The following DLC1 variants were observed in gnomAD, a reference collection of about 807,000 sequenced individuals.
DLC1 encodes DLC1 Rho GTPase activating protein, also known as rho GTPase-activating protein 7.
Under a neutral mutation model 140.3 loss-of-function variants are expected in DLC1, and 54 were observed. That is an observed-to-expected ratio of 0.38 (90% CI 0.31 to 0.48). The LOEUF (loss-of-function observed/expected upper bound fraction) is 0.48, where lower values mean the gene tolerates loss of function less well. DLC1 is among the 20% of genes least tolerant of loss of function. The probability of loss-of-function intolerance (pLI) is 0.96; values close to 1 mark genes in which losing one functional copy is unlikely to be tolerated. For missense variants in DLC1, 2,536 were observed against 1,907.0 expected (o/e 1.33, Z -6.14); for synonymous variants, 986 against 728.1 (o/e 1.35, Z -5.70).
At chr8:13,225,752 A>C (rs1191848035) in intron 5 of DLC1, among the ~76,000 whole-genome samples, 1 of 151,428 alleles carries the variant, frequency 6.6e-6, no homozygotes. Context: ...AGTAGCTGGG[A>C]CTACAGGCAC....
intron 5 of DLC1, among the ~76,000 whole-genome samples, chr8:13,244,297 ATTTTTTTT>A (rs60357765): frequency 7.4e-6 from 1 of 135,978 alleles, no homozygotes; most frequent in South Asian, 2.4e-4. Context: ...TCCCTTTCCA[ATTTTTTTT>A]TTTTTTTTTT....
chr8:13,115,099 T>C (rs1357788016), intron 6 of DLC1, among the ~76,000 whole-genome samples: 1 of 152,074 alleles, frequency 6.6e-6, no homozygotes, highest in Admixed American at 6.5e-5. Context: ...AGTGTGGATA[T>C]GAATAAACAG....
chr8:13,550,891 G>T (rs992866932), intron 1 of DLC1, among the ~76,000 whole-genome samples: 4 of 151,980 alleles, frequency 2.6e-5, no homozygotes, highest in African/African-American at 7.2e-5. Context: ...GATTAAAAAA[G>T]AATAATCATG....
At chr8:13,267,891 A>G (rs1365433341) in intron 5 of DLC1, among the ~76,000 whole-genome samples, 3 of 152,136 alleles carry the variant, frequency 2.0e-5, no homozygotes, top group Non-Finnish European at 4.4e-5. Flanking sequence ...ACCAAGCAAT[A>G]ATATGCCATG....
chr8:13,118,699 AT>A (rs1820782472), intron 5 of DLC1, among the ~76,000 whole-genome samples: 1 of 152,208 alleles, frequency 6.6e-6, no homozygotes, highest in South Asian at 2.1e-4. Flanking sequence ...TTAAAAATCA[AT>A]TATTTTTATT....
chr8:13,512,508 A>C (rs75188460), intron 1 of DLC1, among the ~76,000 whole-genome samples: 5,345 of 152,240 alleles, frequency 0.035, 310 homozygotes, highest in African/African-American at 0.12. Flanking sequence ...CAGACATACA[A>C]ATCAATTAAG....
intron 4 of DLC1, among the ~76,000 whole-genome samples, chr8:13,370,260 C>A (rs992468349): frequency 6.6e-6 from 1 of 152,094 alleles, no homozygotes; most frequent in South Asian, 2.1e-4. Context: ...ATACTATAAG[C>A]TCTAACAAAA....
chr8:13,367,444 G>C (rs946509406), intron 4 of DLC1, among the ~76,000 whole-genome samples: 2 of 152,086 alleles, frequency 1.3e-5, no homozygotes, highest in East Asian at 3.9e-4. Context: ...GTCATTAGGG[G>C]GCCCAATAGA....
intron 2 of DLC1, among the ~76,000 whole-genome samples, chr8:13,436,138 C>A (rs975964912): frequency 1.3e-5 from 2 of 152,218 alleles, no homozygotes; most frequent in Non-Finnish European, 2.9e-5. Flanking sequence ...GTGTGAGTCC[C>A]TTACTGGGAC....
chr8:13,568,132 A>G, intron 1 of DLC1: 1 of 673,206 alleles, frequency 1.5e-6, no homozygotes, highest in Non-Finnish European at 2.4e-6. Flanking sequence ...AACTTTTACA[A>G]AATTCCAAGA....
At chr8:13,199,650 T>C (rs978785353) in intron 5 of DLC1, among the ~76,000 whole-genome samples, 4 of 152,308 alleles carry the variant, frequency 2.6e-5, no homozygotes, top group Admixed American at 2.0e-4. Context: ...GTTCCTATAT[T>C]AAAATATTTT....
chr8:13,585,097 C>A (rs989068768), intron 1 of DLC1, among the ~76,000 whole-genome samples: 1 of 152,188 alleles, frequency 6.6e-6, no homozygotes, highest in East Asian at 1.9e-4. Flanking sequence ...ATGAACTTAG[C>A]ATTTTCTTAG....
chr8:13,293,225 G>A (rs766257233), intron 5 of DLC1, among the ~76,000 whole-genome samples: 1 of 152,170 alleles, frequency 6.6e-6, no homozygotes, highest in Non-Finnish European at 1.5e-5. Flanking sequence ...GCGTGAACCT[G>A]TCTCTAAAAC....
At position 13,401,557 on chromosome 8, in the gene DLC1, C is replaced by T. The variant is rs1056429023; in HGVS notation, c.1086G>A (p.Leu362=). 1 of 1,613,512 alleles carries T rather than the reference C, an allele frequency of 6.2e-7. No homozygotes were observed. The highest frequency in any genetic ancestry group is 8.5e-7 in the Non-Finnish European group (1 of 1,180,014). The change falls in exon 3 of 18, where the codon CTG becomes CTA. Residue 362 remains leucine, a synonymous_variant. Coordinates refer to ENST00000276297, the MANE Select transcript of DLC1 (RefSeq NM_182643.3). ...TTTCTATGTCCTGATCAAGCTGGTC[C>T]AGTTTCATAATCAGCAGCACCATGG... is the stretch of plus-strand genomic sequence containing the variant. ...LDSMVLLIMK[L]DQLDQDIENA...
At chr8:13,274,777 C>G (rs530330943) in intron 5 of DLC1, among the ~76,000 whole-genome samples, 13 of 151,396 alleles carry the variant, frequency 8.6e-5, no homozygotes, top group African/African-American at 3.1e-4. Context: ...TAAACCACAA[C>G]AAGATATTTT....
intron 2 of DLC1, among the ~76,000 whole-genome samples, chr8:13,428,528 G>A (rs1039741858): frequency 2.7e-4 from 41 of 152,204 alleles, no homozygotes; most frequent in African/African-American, 9.4e-4. Flanking sequence ...ATCATTTCTC[G>A]AACATATCTG....
intron 4 of DLC1, among the ~76,000 whole-genome samples, chr8:13,333,629 A>G (rs1833694757): frequency 6.6e-6 from 1 of 152,184 alleles, no homozygotes; most frequent in Non-Finnish European, 1.5e-5. Context: ...CCTGCTTGTA[A>G]CAGAACTACC....
At chr8:13,463,148 G>C (rs970147888) in intron 2 of DLC1, among the ~76,000 whole-genome samples, 7 of 151,704 alleles carry the variant, frequency 4.6e-5, no homozygotes, top group African/African-American at 1.7e-4. Flanking sequence ...TTTTTTATCT[G>C]GTTGCCGGCA....
chr8:13,086,583 G>A (rs1198869919), intron 16 of DLC1, 120 bp from the exon 17 acceptor site: 7 of 1,136,756 alleles, frequency 6.2e-6, no homozygotes, highest in East Asian at 5.0e-5. Context: ...GCCATGCTGT[G>A]TGACCCAGGC....
Sources: gnomAD v4.1 joint callset for allele counts (sites outside exome capture counted in the v4.1 genomes callset) on GRCh38, gnomAD v4.1.1 for gene constraint, MANE v1.5 for transcripts, NCBI Gene and HGNC (gene_info 2026-07-23, HGNC 2026-07-21) for gene names.